The following TEX15 variants were observed in gnomAD, a reference collection of about 807,000 sequenced individuals.
The protein encoded by TEX15 is testis-expressed protein 15.
In TEX15, 171 loss-of-function variants were observed where a neutral mutation model predicts 237.3. The ratio of observed to expected loss-of-function variants is 0.72; its 90% CI spans 0.64 to 0.82. The LOEUF (loss-of-function observed/expected upper bound fraction) is 0.82. Among genes scored for constraint, TEX15 ranks in the 40% least tolerant of loss-of-function variants. The pLI is 0.00. For synonymous variants in TEX15, 1,338 were observed against 1,269.8 expected (o/e 1.05, Z -1.14); for missense variants, 3,750 against 3,646.5 (o/e 1.03, Z -0.73).
intron 2 of TEX15, among the ~76,000 whole-genome samples, chr8:30,898,296 A>C (rs2128778451): frequency 6.6e-6 from 1 of 152,324 alleles, no homozygotes; most frequent in East Asian, 1.9e-4. Context: ...GAGATGATTA[A>C]GTCGAGAACA....
intron 7 of TEX15, among the ~76,000 whole-genome samples, chr8:30,856,843 C>A (rs913578542): frequency 6.6e-6 from 1 of 151,966 alleles, no homozygotes; most frequent in African/African-American, 2.4e-5. Flanking sequence ...ATAAAGAAGA[C>A]AATTTTCCAC....
In TEX15 at chr8:30,844,573, C is replaced by T. The variant is rs777655340; in HGVS notation, c.5594G>A (p.Gly1865Glu). The change falls in exon 8 of 11, where the codon GGA (glycine) becomes GAA (glutamate). Residue 1865 changes from glycine to glutamate, a missense_variant. By Grantham distance (98) the Gly-to-Glu change is moderately conservative. Transcript: ENST00000643185. The part of the protein sequence containing the change: ...DSVYKRSMTE[G>E]STVNTEYKNQ... ...TTTGTACTCAGTATTAACAGTTGAT[C>T]CTTCAGTCATGCTTCTTTTGTAAAC... 6.2e-7 allele frequency: 1 copy of T among 1,612,884 alleles called. No individual in the cohort carries two copies. Among genetic ancestry groups the T allele is most frequent in the Non-Finnish European group, 8.5e-7 (1 of 1,179,478 alleles).
At chr8:30,912,854 C>T (rs893966674) in intron 1 of TEX15, 25 bp downstream of exon 1, 4 of 152,372 alleles carry the variant, frequency 2.6e-5, no homozygotes, top group East Asian at 3.9e-4. Context: ...CCCTCCTCTC[C>T]TCATCTGCCA....
chr8:30,864,476 A>G (rs532553830), intron 5 of TEX15, among the ~76,000 whole-genome samples: 2 of 151,744 alleles, frequency 1.3e-5, no homozygotes, highest in South Asian at 2.1e-4. Context: ...AGGTAGGAGG[A>G]TCGCTAGAGC....
At position 30,833,288 on chromosome 8, in the gene TEX15, A is replaced by G. The variant is rs1042389220; in HGVS notation, c.9517T>C (p.Ter3173ArgextTer2). The change falls in exon 11 of 11, where the codon TGA becomes CGA. Residue 3173 changes from the stop codon to arginine (R), a stop_lost. Coordinates refer to ENST00000643185, the MANE Select transcript of TEX15 (RefSeq NM_001350162.2). ...TTTCAATAGACAGAAGACTATTTTC[A>G]GTGTCCTGGATGAAAGGATTCTTGG... ...WHQESFHPGH[*>R] 7 of 1,587,470 alleles carry G rather than the reference A, an allele frequency of 4.4e-6. No individual in the cohort carries two copies. The highest frequency in any genetic ancestry group is 6.0e-6 in the Non-Finnish European group (7 of 1,167,752).
At position 30,870,479 on chromosome 8, in the gene TEX15, A is replaced by C. The variant is rs1378760057; in HGVS notation, c.303-2977T>G. ...TTCTCTAAGTTTAAGCGGAAACACA[A>C]GTTCATACAAGGTATTTAGCTATGG... On this transcript the variant is annotated intron_variant, in intron 4 of 10. Coordinates refer to ENST00000643185, the MANE Select transcript of TEX15 (RefSeq NM_001350162.2). Among the ~76,000 whole-genome samples the C allele has an allele frequency of 2.0e-5, 3 of 152,070 alleles. 1 individual carries two copies. Among genetic ancestry groups the C allele is most frequent in the African/African-American group, 7.2e-5 (3 of 41,430 alleles).
In TEX15 at chr8:30,833,250, T is replaced by G. The variant is rs755184778; in HGVS notation, c.*36A>C. On this transcript the variant is annotated 3_prime_UTR_variant, in exon 11 of 11. Transcript: ENST00000643185. ...ATAAGTAAAAAATATTTGGAAAAAC[T>G]TGTTATGTCTTATTTCAATAGACAG... 20 of 1,468,070 alleles carry G rather than the reference T, an allele frequency of 1.4e-5. No homozygotes were observed. Among genetic ancestry groups the G allele is most frequent in the Non-Finnish European group, 1.8e-5 (19 of 1,078,640 alleles). The allele number at this position is 1,468,070 out of a possible 1,614,324, so 90.9% of individuals were successfully genotyped here. A position where few individuals can be genotyped will look rare whatever the true frequency, so the allele number is the denominator to read the frequency against.
In TEX15 at chr8:30,846,274, C is replaced by A. The variant is rs183773900; in HGVS notation, c.3893G>T (p.Arg1298Ile). ...TATATGTAGCTTCCTTTTGCTAATT[C>A]TTGATTCTACCTCCTTTTTATTTTT... The part of the protein sequence containing the change: ...DTKNKKEVES[R>I]ISKRKLHISS... The change falls in exon 8 of 11, where the codon AGA becomes ATA. Residue 1298 changes from arginine to isoleucine, a missense_variant. Transcript: ENST00000643185. 4 of 1,613,324 alleles carry A rather than the reference C, an allele frequency of 2.5e-6. No homozygotes were observed. Among genetic ancestry groups the A allele is most frequent in the Non-Finnish European group, 3.4e-6 (4 of 1,179,652 alleles).
chr8:30,895,676 C>CTTTTTTTTT (rs34002027), intron 2 of TEX15, among the ~76,000 whole-genome samples: 1,180 of 60,062 alleles, frequency 0.02, 183 homozygotes, highest in Admixed American at 0.051. Flanking sequence ...TAAACACATG[C>CTTTTTTTTT]TTTTTTTTTT....
chr8:30,837,719 G>A lies in TEX15; in HGVS notation c.8565C>T (p.Asp2855=). ...GAAATTTCTGCAAAAGCGTCCCATG[G>A]TCTGGTGAAAATGTGCCATGTACAC... ...QKSVHGTFSP[D]HGTLLQKFLK... Residue 2855 remains aspartate (D), a synonymous_variant, in exon 10 of 11, where the codon GAC becomes GAT. Transcript: ENST00000643185. 1 of 1,614,082 alleles carries A rather than the reference G, an allele frequency of 6.2e-7. No homozygotes were observed.
In TEX15 at chr8:30,836,792, G is replaced by A. The variant is rs755201089; in HGVS notation, c.9481+11C>T. On this transcript the variant is annotated intron_variant, in intron 10 of 10. Transcript: ENST00000643185. The stretch of plus-strand genomic sequence containing the variant: ...AACTCAATAAAGCAGGCATTAAAAT[G>A]TGAAACTCACCATAAACCCAAGGAA... The A allele has an allele frequency of 7.0e-6, 11 of 1,573,766 alleles. No homozygotes were observed. In the South Asian group the frequency reaches 1.1e-4, roughly 15 times the overall value.
Position 30,837,752 on chromosome 8 carries a change from G to T in TEX15, c.8532C>A (p.Asp2844Glu). Reference sequence around the variant, plus strand: ...AAAATGTGCCATGTACACTTTTTTGGTCACAAATTGCAAAAGCAGCACAAT... The same window carrying T: ...AAAATGTGCCATGTACACTTTTTTGTTCACAAATTGCAAAAGCAGCACAAT... ...KKDCAAFAICDQKSVHGTFSP... is the reference protein window; with the variant it reads ...KKDCAAFAICEQKSVHGTFSP... Residue 2844 changes from aspartate (D) to glutamate (E), a missense_variant, in exon 10 of 11, where the codon GAC becomes GAA. Asp to Glu is a conservative substitution (Grantham distance 45, BLOSUM62 2). Coordinates refer to ENST00000643185, the MANE Select transcript of TEX15 (RefSeq NM_001350162.2). 6.2e-7 allele frequency: 1 copy of T among 1,614,062 alleles called. No individual in the cohort carries two copies. Among genetic ancestry groups the T allele is most frequent in the Non-Finnish European group, 8.5e-7 (1 of 1,179,986 alleles).
chr8:30,889,338 G>C (rs976530366), intron 2 of TEX15, among the ~76,000 whole-genome samples: 1 of 152,162 alleles, frequency 6.6e-6, no homozygotes, highest in African/African-American at 2.4e-5. Context: ...TGTAATCCCA[G>C]CTAATCGGGA....
At chr8:30,875,927 T>G (rs75406576) in intron 3 of TEX15, among the ~76,000 whole-genome samples, 9,293 of 152,108 alleles carry the variant, frequency 0.061, 524 homozygotes, top group Admixed American at 0.19. Context: ...TCCTCCTGCC[T>G]TGGCTTCCTG....
Position 30,842,921 on chromosome 8 carries a change from T to C in TEX15, c.7246A>G (p.Ile2416Val). ...QMLQDNNMDN[I>V]FITEENVLDV... ...AAAACATTTTCTTCTGTGATAAAAA[T>C]ATTATCCATGTTATTATCTTGTAGC... Residue 2416 changes from isoleucine (I) to valine (V), a missense_variant, in exon 8 of 11, where the codon ATT (isoleucine) becomes GTT (valine). Ile to Val is a conservative substitution (Grantham distance 29). Coordinates refer to ENST00000643185, the MANE Select transcript of TEX15 (RefSeq NM_001350162.2). 6.2e-7 allele frequency: 1 copy of C among 1,609,678 alleles called. No individual in the cohort carries two copies. Among genetic ancestry groups the C allele is most frequent in the East Asian group, 2.2e-5 (1 of 44,796 alleles).
chr8:30,911,491 A>G (rs992095122), intron 1 of TEX15, among the ~76,000 whole-genome samples: 27 of 152,200 alleles, frequency 1.8e-4, no homozygotes, highest in Admixed American at 1.5e-3. Flanking sequence ...ACCAACACAC[A>G]TAGTCGTCAA....
chr8:30,843,389 C>T lies in TEX15; in HGVS notation c.6778G>A (p.Val2260Ile), dbSNP rs1313925318. 1.2e-6 allele frequency: 2 copies of T among 1,612,806 alleles called. No homozygotes were observed. Among genetic ancestry groups the T allele is most frequent in the Non-Finnish European group, 1.7e-6 (2 of 1,179,668 alleles). The change falls in exon 8 of 11, where the codon GTT becomes ATT. Residue 2260 changes from valine to isoleucine, a missense_variant. Val to Ile is a conservative substitution (Grantham distance 29). Transcript: ENST00000643185. ...TCCAGACCATAAAGAGATATTTTAACACGTACTGCCTCGTTGTTCTTAATA... is the reference window on the plus strand; with the variant it reads ...TCCAGACCATAAAGAGATATTTTAATACGTACTGCCTCGTTGTTCTTAATA... ...NFIKNNEAVRVKISLYGLEHI... is the reference protein window; with the variant it reads ...NFIKNNEAVRIKISLYGLEHI...
intron 4 of TEX15, among the ~76,000 whole-genome samples, chr8:30,873,864 A>G (rs1808347287): frequency 6.6e-6 from 1 of 152,210 alleles, no homozygotes; most frequent in African/African-American, 2.4e-5. Flanking sequence ...TAAGAAAACA[A>G]TAAATCCTAT....
At position 30,837,132 on chromosome 8, in the gene TEX15, T is replaced by C. The variant is rs2128766124; in HGVS notation, c.9152A>G (p.Asn3051Ser). ...YSAWCVYQYSNSNGNAITQTY... is the reference protein window; with the variant it reads ...YSAWCVYQYSSSNGNAITQTY... Reference sequence around the variant, plus strand: ...CTGGGTAATGGCATTGCCATTGCTGTTGCTGTACTGATAAACACACCAAGC... The same window carrying C: ...CTGGGTAATGGCATTGCCATTGCTGCTGCTGTACTGATAAACACACCAAGC... The change falls in exon 10 of 11, where the codon AAC (asparagine) becomes AGC (serine). Residue 3051 changes from asparagine to serine, a missense_variant. Coordinates refer to ENST00000643185, the MANE Select transcript of TEX15 (RefSeq NM_001350162.2). 1.2e-6 allele frequency: 2 copies of C among 1,613,692 alleles called. No individual in the cohort carries two copies. The highest frequency in any genetic ancestry group is 2.2e-5 in the South Asian group (2 of 91,074).
Sources: allele counts gnomAD v4.1 joint callset (sites outside exome capture counted in the v4.1 genomes callset), GRCh38; gene constraint gnomAD v4.1.1; transcripts MANE v1.5; gene names NCBI Gene and HGNC (gene_info 2026-07-23, HGNC 2026-07-21).